LY96: variants seen among roughly 807,000 people sequenced by gnomAD.
LY96 encodes the protein myeloid differentiation protein-2.
A neutral mutation model predicts 18.9 loss-of-function variants in LY96; 18 were observed. The ratio of observed to expected loss-of-function variants is 0.95; its 90% CI spans 0.66 to 1.41. The LOEUF is 1.41. Ranked by LOEUF, LY96 falls within the 40% of genes most tolerant of loss-of-function variation. The pLI is 0.00. For missense variants in LY96, 175 were observed against 182.4 expected (o/e 0.96, Z 0.23); for synonymous variants, 66 against 62.6 (o/e 1.06, Z -0.26).
At chr8:73,996,372 C>CATTCCTTT (rs756373007) in intron 1 of LY96, among the ~76,000 whole-genome samples, 37 of 110,998 alleles carry the variant, frequency 3.3e-4, no homozygotes, top group African/African-American at 1.0e-3. Context: ...TTCCTTCATT[C>CATTCCTTT]CTTTCTTTCT....
At chr8:74,052,116 G>A in the LY96 span, among the ~76,000 whole-genome samples, 24 of 152,292 alleles carry the variant, frequency 1.6e-4, no homozygotes, top group South Asian at 4.8e-3. Flanking sequence ...GGAGAGAAGA[G>A]GTTATTTTGG....
the LY96 span, among the ~76,000 whole-genome samples, chr8:74,050,253 G>T: frequency 2.6e-4 from 39 of 152,070 alleles, no homozygotes; most frequent in African/African-American, 9.2e-4. Context: ...TGAGGCACGA[G>T]AATTACTTGA....
chr8:74,010,046 A>T lies in LY96; in HGVS notation c.248A>T (p.Asn83Ile). The T allele has an allele frequency of 6.2e-7, 1 of 1,609,372 alleles. No homozygotes were observed. Among genetic ancestry groups the T allele is most frequent in the Non-Finnish European group, 8.5e-7 (1 of 1,175,786 alleles). ...TATTTCAATCTCTATATAACTGTCA[A>T]CACCATGAATCTTCCAAAGCGCAAA... ...QLYFNLYITV[N>I]TMNLPKRKEV... is the part of the protein sequence containing the mutation. Residue 83 changes from asparagine (N) to isoleucine (I), a missense_variant, in exon 3 of 5, where the codon AAC (asparagine) becomes ATC (isoleucine). Physicochemically the swap from Asn to Ile is moderately radical, Grantham distance 149. Coordinates refer to ENST00000284818, the MANE Select transcript of LY96 (RefSeq NM_015364.5).
the LY96 span, among the ~76,000 whole-genome samples, chr8:74,058,827 A>G: frequency 6.6e-6 from 1 of 152,010 alleles, no homozygotes. Flanking sequence ...GCTGAAAGAG[A>G]TTTATTATAA....
At chr8:74,007,518 C>T (rs574662294) in intron 2 of LY96, among the ~76,000 whole-genome samples, 1 of 152,208 alleles carries the variant, frequency 6.6e-6, no homozygotes, top group South Asian at 2.1e-4. Context: ...ATTTTTATGG[C>T]CTCATTTCTA....
At chr8:74,081,043 T>TTTCTTTCC in the LY96 span, among the ~76,000 whole-genome samples, 1 of 121,122 alleles carries the variant, frequency 8.3e-6, no homozygotes, top group African/African-American at 4.4e-5. Flanking sequence ...TCTTTCTTTC[T>TTTCTTTCC]TTCTTTTTCT....
chr8:74,048,852 A>AAGAAAGAAAAGG, the LY96 span: 1 of 152,038 alleles, frequency 6.6e-6, no homozygotes, highest in Admixed American at 6.6e-5. Context: ...GAAAAGGAGA[A>AAGAAAGAAAAGG]AGAAAGAAAA....
chr8:74,093,100 A>C, the LY96 span, among the ~76,000 whole-genome samples: 2,308 of 152,244 alleles, frequency 0.015, 47 homozygotes, highest in African/African-American at 0.053. Flanking sequence ...CTGGATTTTC[A>C]GTTCCCAAAC....
chr8:74,001,015 G>C (rs1816251498), intron 1 of LY96, among the ~76,000 whole-genome samples: 1 of 152,124 alleles, frequency 6.6e-6, no homozygotes, highest in Non-Finnish European at 1.5e-5. Context: ...ACCTCTTAGA[G>C]GTTCCACCCC....
chr8:74,016,857 ACAT>A (rs748436367), intron 3 of LY96, among the ~76,000 whole-genome samples: 18 of 152,334 alleles, frequency 1.2e-4, no homozygotes, highest in Non-Finnish European at 2.2e-4. Context: ...AAGAGCACCA[ACAT>A]CAACAAAAAG....
intron 3 of LY96, among the ~76,000 whole-genome samples, chr8:74,022,615 G>A: frequency 7.3e-6 from 1 of 136,586 alleles, no homozygotes; most frequent in African/African-American, 2.8e-5. Flanking sequence ...GTCTCGCCCT[G>A]TCGCCCAGGC....
At chr8:74,073,553 T>A in the LY96 span, among the ~76,000 whole-genome samples, 1 of 152,116 alleles carries the variant, frequency 6.6e-6, no homozygotes, top group African/African-American at 2.4e-5. Context: ...AAGTGTAGGT[T>A]TACAGTTCTA....
At chr8:74,090,029 A>G in the LY96 span, among the ~76,000 whole-genome samples, 1 of 152,108 alleles carries the variant, frequency 6.6e-6, no homozygotes, top group Non-Finnish European at 1.5e-5. Context: ...ATGATTTTGC[A>G]TTTTGGATGA....
At chr8:74,089,592 T>G in the LY96 span, among the ~76,000 whole-genome samples, 1 of 152,186 alleles carries the variant, frequency 6.6e-6, no homozygotes, top group Non-Finnish European at 1.5e-5. Context: ...GACAGATGTG[T>G]AAAGGACAAT....
chr8:74,011,858 CAAA>C (rs570734407), intron 3 of LY96, among the ~76,000 whole-genome samples: 1 of 65,420 alleles, frequency 1.5e-5, no homozygotes. Context: ...GACTCCATCT[CAAA>C]AAAAAAAAAA....
At chr8:74,079,773 C>T in the LY96 span, 32 of 152,156 alleles carry the variant, frequency 2.1e-4, no homozygotes, top group Admixed American at 1.9e-3. Flanking sequence ...CAGCTTTGAC[C>T]TCCTGGGCTC....
At chr8:74,029,096 C>A, downstream of LY96, 1 of 1,189,588 alleles carries the variant, frequency 8.4e-7, no homozygotes, top group Non-Finnish European at 1.2e-6. Flanking sequence ...GGTATTGTTC[C>A]TGTTTTAAGG....
At chr8:74,079,283 A>T in the LY96 span, among the ~76,000 whole-genome samples, 1 of 152,342 alleles carries the variant, frequency 6.6e-6, no homozygotes, top group East Asian at 1.9e-4. Flanking sequence ...CAGCTTGCAG[A>T]TGCAGATTGT....
downstream of LY96, among the ~76,000 whole-genome samples, chr8:74,033,460 C>G (rs938758851): frequency 6.6e-6 from 1 of 152,158 alleles, no homozygotes; most frequent in African/African-American, 2.4e-5. Flanking sequence ...TGGCCCAACC[C>G]CCTGCTGGGG....
Sources: allele counts gnomAD v4.1 joint callset (sites outside exome capture counted in the v4.1 genomes callset), GRCh38; gene constraint gnomAD v4.1.1; transcripts MANE v1.5; gene names NCBI Gene and HGNC (gene_info 2026-07-23, HGNC 2026-07-21).